The following ME3 variants were observed in gnomAD, a reference collection of about 807,000 sequenced individuals.
The protein encoded by ME3 is NADP-dependent malic enzyme, mitochondrial.
A neutral mutation model predicts 68.9 loss-of-function variants in ME3; 48 were observed. The observed-to-expected ratio is 0.70, with a 90% CI of 0.55 to 0.89. ME3 has a LOEUF of 0.89. Among genes scored for constraint, ME3 ranks in the 40% least tolerant of loss-of-function variants. The pLI is 0.00. For synonymous variants in ME3, 320 were observed against 318.8 expected, an observed-to-expected ratio of 1.00 and a Z score of -0.04; for missense variants, 675 against 797.4, an observed-to-expected ratio of 0.85 and a Z score of 1.85.
In ME3 at chr11:86,590,425, G is replaced by A. The variant is rs142632232; in HGVS notation, c.184-30602C>T. On this transcript the variant is annotated intron_variant, in intron 2 of 14. Transcript: ENST00000543262. ...ACGTGCTATGGGACTGCAGAGAAAGGAGAGAATAGATCTCCCTGCGGGCTG... is the reference window on the plus strand; with the variant it reads ...ACGTGCTATGGGACTGCAGAGAAAGAAGAGAATAGATCTCCCTGCGGGCTG... Among the ~76,000 whole-genome samples the A allele has an allele frequency of 3.9e-3, 595 of 152,350 alleles. 1 individual carries two copies. Among genetic ancestry groups the A allele is most frequent in the Middle Eastern group, 6.8e-3 (2 of 294 alleles).
chr11:86,443,451 A>G (rs1949117972), intron 13 of ME3, among the ~76,000 whole-genome samples: 2 of 152,260 alleles, frequency 1.3e-5, no homozygotes, highest in Non-Finnish European at 2.9e-5. Flanking sequence ...TCCTAAGCAC[A>G]TCATCCTGAG....
intron 4 of ME3, among the ~76,000 whole-genome samples, chr11:86,542,416 T>A (rs936664855): frequency 1.3e-5 from 2 of 151,160 alleles, no homozygotes; most frequent in Non-Finnish European, 3.0e-5. Flanking sequence ...TGAAAAAAAG[T>A]TAGAGGAATT....
intron 2 of ME3, among the ~76,000 whole-genome samples, chr11:86,589,943 G>A (rs955022381): frequency 6.6e-6 from 1 of 152,206 alleles, no homozygotes; most frequent in African/African-American, 2.4e-5. Flanking sequence ...GTGATGGGGT[G>A]TGGGACTTTT....
rs552982609 is a variant in ME3 at position 86,653,137 on chromosome 11, A to G, written c.183+18625T>C. Among the ~76,000 whole-genome samples the G allele has an allele frequency of 1.7e-4, 26 of 152,260 alleles. No individual in the cohort carries two copies. The East Asian group carries it at 4.8e-3, about 28-fold the overall frequency. On this transcript the variant is annotated intron_variant, in intron 2 of 14. Transcript: ENST00000543262. ...ACAAAGAGACTTAGACTCCCACACAATAATAATGGGAGACTTTAACACCCC... is the reference window on the plus strand; with the variant it reads ...ACAAAGAGACTTAGACTCCCACACAGTAATAATGGGAGACTTTAACACCCC...
chr11:86,518,714 C>T (rs1954058382), intron 4 of ME3, among the ~76,000 whole-genome samples: 1 of 152,162 alleles, frequency 6.6e-6, no homozygotes, highest in African/African-American at 2.4e-5. Flanking sequence ...CTTCAGCTCT[C>T]CACAAATTCT....
intron 2 of ME3, among the ~76,000 whole-genome samples, chr11:86,649,245 T>C (rs1945238265): frequency 6.6e-6 from 1 of 151,878 alleles, no homozygotes; most frequent in Non-Finnish European, 1.5e-5. Context: ...TGCAGAAAAG[T>C]CCTTTGAAAA....
intron 2 of ME3, among the ~76,000 whole-genome samples, chr11:86,610,039 G>A (rs1942447613): frequency 6.6e-6 from 1 of 152,182 alleles, no homozygotes; most frequent in Non-Finnish European, 1.5e-5. Context: ...AGGAAGTTGA[G>A]GAAGGCTACA....
At chr11:86,615,682 A>G (rs1942908791) in intron 2 of ME3, among the ~76,000 whole-genome samples, 1 of 152,136 alleles carries the variant, frequency 6.6e-6, no homozygotes, top group Non-Finnish European at 1.5e-5. Context: ...GTGTGAGGTA[A>G]GTAGCAGTGA....
At chr11:86,436,925 G>A (rs1948900485), downstream of ME3, 1 of 152,128 alleles carries the variant, frequency 6.6e-6, no homozygotes, top group African/African-American at 2.4e-5. Flanking sequence ...TGACCACACA[G>A]TCCTTTTTTG....
At chr11:86,569,502 A>C (rs4944595) in intron 2 of ME3, among the ~76,000 whole-genome samples, 31,383 of 152,092 alleles carry the variant, frequency 0.21, 3,772 homozygotes, top group East Asian at 0.53. Flanking sequence ...CACACAGTTT[A>C]GCACATGCGA....
chr11:86,456,234 A>C (rs1949916537), intron 8 of ME3, among the ~76,000 whole-genome samples: 1 of 152,200 alleles, frequency 6.6e-6, no homozygotes, highest in African/African-American at 2.4e-5. Flanking sequence ...GTTTCAGGAC[A>C]GCCTTTTGCC....
intron 2 of ME3, among the ~76,000 whole-genome samples, chr11:86,616,027 G>A (rs1942934357): frequency 1.3e-5 from 2 of 152,128 alleles, no homozygotes; most frequent in South Asian, 4.1e-4. Flanking sequence ...TTTGGTATAT[G>A]TTCTTGTCAC....
chr11:86,600,462 G>A (rs1184358433), intron 2 of ME3, among the ~76,000 whole-genome samples: 1 of 151,666 alleles, frequency 6.6e-6, no homozygotes, highest in African/African-American at 2.4e-5. Flanking sequence ...CAAGTCCTGA[G>A]TGACCTACAA....
At chr11:86,671,204 C>T (rs999407350) in intron 2 of ME3, among the ~76,000 whole-genome samples, 2 of 152,212 alleles carry the variant, frequency 1.3e-5, no homozygotes, top group African/African-American at 2.4e-5. Context: ...ATCTCTAATG[C>T]TCCTGCAAGC....
chr11:86,448,273 C>T lies in ME3; in HGVS notation c.1132-18G>A, dbSNP rs772292137. The T allele has an allele frequency of 6.9e-6, 11 of 1,592,768 alleles. No homozygotes were observed. The South Asian group carries it at 1.2e-4, about 18-fold the overall frequency. ...CTCCTCCCCTACAGGAAAAGGAACA[C>T]AGAGCAGTTGTGGTCGTGATGGCCT... On this transcript the variant is annotated intron_variant, in intron 10 of 14. Transcript: ENST00000543262.
chr11:86,518,816 T>C (rs1304812489), intron 4 of ME3, among the ~76,000 whole-genome samples: 1 of 152,112 alleles, frequency 6.6e-6, no homozygotes, highest in Non-Finnish European at 1.5e-5. Context: ...AAAGCACTGG[T>C]ATCCTTATAA....
At chr11:86,469,645 C>G (rs191893326) in intron 7 of ME3, among the ~76,000 whole-genome samples, 92 of 152,318 alleles carry the variant, frequency 6.0e-4, no homozygotes, top group Admixed American at 5.7e-3. Flanking sequence ...CCAGCCCTGG[C>G]AGGGGCTGAG....
intron 2 of ME3, among the ~76,000 whole-genome samples, chr11:86,585,670 T>A (rs1202482219): frequency 6.6e-6 from 1 of 152,130 alleles, no homozygotes; most frequent in Non-Finnish European, 1.5e-5. Context: ...TAAGTCTGGG[T>A]CTTAGAGGGT....
At chr11:86,550,354 A>G (rs905960102) in intron 4 of ME3, among the ~76,000 whole-genome samples, 4 of 152,184 alleles carry the variant, frequency 2.6e-5, no homozygotes, top group Non-Finnish European at 5.9e-5. Context: ...CACTGTTACT[A>G]CAGACTAATG....
Sources: gnomAD v4.1 joint callset for allele counts (sites outside exome capture counted in the v4.1 genomes callset) on GRCh38, gnomAD v4.1.1 for gene constraint, MANE v1.5 for transcripts, NCBI Gene and HGNC (gene_info 2026-07-23, HGNC 2026-07-21) for gene names.